The following KIF6 variants were observed in gnomAD, a reference collection of about 807,000 sequenced individuals.
The protein encoded by KIF6 is kinesin family member 6.
In KIF6, 106 loss-of-function variants were observed where a neutral mutation model predicts 112.7. The ratio of observed to expected loss-of-function variants is 0.94; its 90% CI spans 0.80 to 1.11. The LOEUF is 1.11. Ranked by LOEUF, KIF6 falls within the 50% of genes least tolerant of loss-of-function variation. KIF6 has a pLI of 0.00. For missense variants in KIF6, 929 were observed against 964.0 expected, an observed-to-expected ratio of 0.96 and a Z score of 0.48; for synonymous variants, 339 against 339.9, an observed-to-expected ratio of 1.00 and a Z score of 0.03.
chr6:39,478,218 C>T (rs887752224), intron 13 of KIF6, among the ~76,000 whole-genome samples: 2 of 151,840 alleles, frequency 1.3e-5, no homozygotes, highest in Admixed American at 1.3e-4. Flanking sequence ...CCCCAAGTCC[C>T]CAAAGTCCAT....
chr6:39,725,163 GCCCAGCCCCTTCGCGTGCCGCCGCCCGAC>G, intron 1 of KIF6, 53 bp downstream of exon 1: 4 of 1,253,278 alleles, frequency 3.2e-6, no homozygotes, highest in Non-Finnish European at 4.5e-6. Context: ...CCTCACCTCC[GCCCAGCCCCTTCGCGTGCCGCCGCCCGAC>G]CCCAGCCCAA....
chr6:39,434,374 G>A lies in KIF6; in HGVS notation c.1646-3213C>T, dbSNP rs184606596. The stretch of plus-strand genomic sequence containing the variant: ...AGCTCAAGAGTTCAGGTTCAGTCTG[G>A]GCAACATGGTGAAACCCATTTCTAC... On this transcript the variant is annotated intron_variant, in intron 13 of 22. Transcript: ENST00000287152. Among the ~76,000 whole-genome samples, 189 of 151,572 alleles carry A rather than the reference G, an allele frequency of 1.2e-3. 1 individual carries two copies. Among genetic ancestry groups the A allele is most frequent in the African/African-American group, 4.3e-3 (179 of 41,258 alleles).
At chr6:39,524,989 A>C (rs1402149492) in intron 13 of KIF6, among the ~76,000 whole-genome samples, 1 of 152,198 alleles carries the variant, frequency 6.6e-6, no homozygotes, top group African/African-American at 2.4e-5. Flanking sequence ...TAGTATTTAT[A>C]ATCTTTTATC....
chr6:39,625,055 C>T (rs1338673445), intron 5 of KIF6, among the ~76,000 whole-genome samples: 1 of 137,672 alleles, frequency 7.3e-6, no homozygotes, highest in Non-Finnish European at 1.6e-5. Flanking sequence ...TCTTTCTCTC[C>T]TCACCAGGCA....
chr6:39,556,913 T>C (rs1779734883), intron 10 of KIF6, among the ~76,000 whole-genome samples: 1 of 152,214 alleles, frequency 6.6e-6, no homozygotes, highest in Admixed American at 6.5e-5. Context: ...AACTTCTTTT[T>C]CTATGGTTCT....
intron 15 of KIF6, among the ~76,000 whole-genome samples, chr6:39,398,642 G>A (rs1337876384): frequency 6.6e-6 from 1 of 152,224 alleles, no homozygotes. Context: ...TAACCCAAAT[G>A]CAGGTAGGTG....
intron 3 of KIF6, among the ~76,000 whole-genome samples, chr6:39,644,798 G>A (rs553156819): frequency 1.3e-5 from 2 of 152,164 alleles, no homozygotes; most frequent in Non-Finnish European, 2.9e-5. Flanking sequence ...GCTTTAAAGA[G>A]TAAATGTTTT....
chr6:39,571,387 G>A (rs1231115906), intron 10 of KIF6, among the ~76,000 whole-genome samples: 3 of 152,064 alleles, frequency 2.0e-5, no homozygotes, highest in Non-Finnish European at 4.4e-5. Context: ...TAAAAAAGAC[G>A]TCATCACATA....
chr6:39,650,447 TGAAA>T (rs1480324748), intron 3 of KIF6, among the ~76,000 whole-genome samples: 2 of 152,072 alleles, frequency 1.3e-5, no homozygotes, highest in Non-Finnish European at 2.9e-5. Flanking sequence ...CATACAGTAT[TGAAA>T]AGTGAGGGCT....
intron 3 of KIF6, among the ~76,000 whole-genome samples, chr6:39,679,233 T>A (rs1787356298): frequency 6.6e-6 from 1 of 152,252 alleles, no homozygotes; most frequent in Non-Finnish European, 1.5e-5. Context: ...CTGTGTGTAC[T>A]GATACATGAA....
chr6:39,564,305 G>C (rs1325203048), intron 10 of KIF6, among the ~76,000 whole-genome samples: 1 of 152,214 alleles, frequency 6.6e-6, no homozygotes, highest in Non-Finnish European at 1.5e-5. Flanking sequence ...TCGTAAGTAT[G>C]CTCAGTTAAT....
intron 13 of KIF6, among the ~76,000 whole-genome samples, chr6:39,448,789 C>T (rs1234915282): frequency 6.6e-6 from 1 of 152,136 alleles, no homozygotes; most frequent in African/African-American, 2.4e-5. Context: ...CTTTGAGTGC[C>T]AAAGTGGGAC....
At chr6:39,624,798 C>G (rs150305999) in intron 5 of KIF6, among the ~76,000 whole-genome samples, 3 of 149,514 alleles carry the variant, frequency 2.0e-5, no homozygotes, top group African/African-American at 7.4e-5. Context: ...AGTGAAAACA[C>G]TGAAACTCTT....
intron 13 of KIF6, among the ~76,000 whole-genome samples, chr6:39,436,530 A>G (rs1416204479): frequency 6.6e-6 from 1 of 151,518 alleles, no homozygotes; most frequent in Admixed American, 6.6e-5. Context: ...ATCCATCTTG[A>G]GTTAATCTTT....
At chr6:39,552,042 A>G (rs992891046) in intron 10 of KIF6, among the ~76,000 whole-genome samples, 1 of 152,242 alleles carries the variant, frequency 6.6e-6, no homozygotes, top group Non-Finnish European at 1.5e-5. Flanking sequence ...ACATTTAACA[A>G]CATTCCCAGG....
intron 14 of KIF6, 100 bp from the exon 15 acceptor site, chr6:39,420,103 T>G: frequency 1.3e-6 from 1 of 796,200 alleles, no homozygotes; most frequent in Non-Finnish European, 2.1e-6. Context: ...ATGATGAAAC[T>G]TTATTGAAAG....
chr6:39,343,892 AT>A lies in KIF6; in HGVS notation c.2322-78del. On this transcript the variant is annotated intron_variant, in intron 21 of 22. Transcript: ENST00000287152. The surrounding 1 kb of genome is among the most constrained non-coding windows in gnomAD (Gnocchi z 4.1). ...ACTTATATTTCCAAAATGCTTTTCC[AT>A]TTTAGGTGACTGATCTCACTCAGAA... 1 of 813,866 alleles carries A rather than the reference AT, an allele frequency of 1.2e-6. No individual in the cohort carries two copies. The highest frequency in any genetic ancestry group is 1.9e-6 in the Non-Finnish European group (1 of 515,034). 50.4% of individuals were successfully genotyped at this position (813,866 alleles called of 1,614,324 possible). A position where few individuals can be genotyped will look rare whatever the true frequency, so the allele number is the denominator to read the frequency against.
At chr6:39,407,305 T>G (rs575194770) in intron 15 of KIF6, among the ~76,000 whole-genome samples, 14 of 152,364 alleles carry the variant, frequency 9.2e-5, no homozygotes, top group African/African-American at 3.4e-4. Context: ...TTTAGATTAC[T>G]GATGCAGGCA....
chr6:39,510,004 G>A (rs1776672935), intron 13 of KIF6, among the ~76,000 whole-genome samples: 1 of 152,140 alleles, frequency 6.6e-6, no homozygotes, highest in African/African-American at 2.4e-5. Flanking sequence ...ACCCACAAAG[G>A]GAAGCCCATC....
Sources: allele counts gnomAD v4.1 joint callset (sites outside exome capture counted in the v4.1 genomes callset), GRCh38; gene constraint gnomAD v4.1.1; non-coding constraint Gnocchi (gnomAD v3.1); transcripts MANE v1.5; gene names NCBI Gene and HGNC (gene_info 2026-07-23, HGNC 2026-07-21).